RAB19: variants seen among roughly 807,000 people sequenced by gnomAD.
RAB19 encodes the protein RAB19, member RAS oncogene family, also known as ras-related protein Rab-19.
A neutral mutation model predicts 17.3 loss-of-function variants in RAB19; 21 were observed. The observed-to-expected ratio is 1.21, with a 90% CI of 0.86 to 1.74. The LOEUF (loss-of-function observed/expected upper bound fraction) is 1.74. Ranked by LOEUF, RAB19 falls within the 40% of genes most tolerant of loss-of-function variation. The probability of loss-of-function intolerance (pLI) is 0.00; values close to 1 mark genes in which losing one functional copy is unlikely to be tolerated. For missense variants in RAB19, 277 were observed against 286.8 expected (o/e 0.97, Z 0.25); for synonymous variants, 126 against 110.4 (o/e 1.14, Z -0.88).
At chr7:140,424,729 AT>A (rs1563075741) in intron 3 of RAB19, among the ~76,000 whole-genome samples, 1 of 148,422 alleles carries the variant, frequency 6.7e-6, no homozygotes, top group African/African-American at 2.5e-5. Flanking sequence ...TATATCTATA[AT>A]TGTTTCAAAA....
chr7:140,406,446 C>A (rs939855287), intron 1 of RAB19, among the ~76,000 whole-genome samples: 12 of 151,604 alleles, frequency 7.9e-5, no homozygotes, highest in Admixed American at 7.9e-4. Context: ...TCGAGACCAG[C>A]CTGACCAACA....
At chr7:140,417,497 C>G (rs1799481951) in intron 3 of RAB19, among the ~76,000 whole-genome samples, 1 of 152,054 alleles carries the variant, frequency 6.6e-6, no homozygotes, top group African/African-American at 2.4e-5. Flanking sequence ...CACCACATCC[C>G]TTCTTCCACC....
At chr7:140,416,577 G>A (rs769270329) in intron 3 of RAB19, among the ~76,000 whole-genome samples, 1 of 152,028 alleles carries the variant, frequency 6.6e-6, no homozygotes, top group Non-Finnish European at 1.5e-5. Context: ...TTAATGTTCT[G>A]TGTGTCTGTC....
chr7:140,420,210 CAGGAGTTCGAG>C (rs1799532047), intron 3 of RAB19, among the ~76,000 whole-genome samples: 1 of 152,066 alleles, frequency 6.6e-6, no homozygotes, highest in Non-Finnish European at 1.5e-5. Flanking sequence ...CACCTGAGGT[CAGGAGTTCGAG>C]ACCAGCCTGG....
Position 140,411,919 on chromosome 7 carries a change from ACC to A in RAB19, c.249_250del (p.Gln84LysfsTer14). Reference protein sequence around the residue: ...TAGQERFRTITQSYYRSAHAA... With the variant: ...TAGQERFRTIXQSYYRSAHAA... Reference sequence around the variant, plus strand: ...TGGCCAGGAGCGCTTCCGCACCATCACCCAAAGCTACTACCGCAGTGCCCACG... The same window carrying A: ...TGGCCAGGAGCGCTTCCGCACCATCACAAAGCTACTACCGCAGTGCCCACG... On this transcript the variant is annotated frameshift_variant, in exon 3 of 4. Coordinates refer to ENST00000537763, the MANE Select transcript of RAB19 (RefSeq NM_001008749.3). LOFTEE classifies it high-confidence loss of function. The A allele has an allele frequency of 6.2e-7, 1 of 1,614,086 alleles. No individual in the cohort carries two copies.
chr7:140,418,599 T>C (rs796401986), intron 3 of RAB19, among the ~76,000 whole-genome samples: 1 of 146,672 alleles, frequency 6.8e-6, no homozygotes, highest in East Asian at 2.0e-4. Flanking sequence ...AAAAGAAGAA[T>C]ATTGACTGGG....
intron 3 of RAB19, among the ~76,000 whole-genome samples, 158 bp from the exon 4 acceptor site, chr7:140,425,724 C>A (rs201394715): frequency 8.5e-5 from 12 of 140,678 alleles, no homozygotes; most frequent in Admixed American, 2.2e-4. Flanking sequence ...AACTCCATCT[C>A]AAAAAAAAAA....
intron 2 of RAB19, 33 bp downstream of exon 2, chr7:140,407,880 C>T (rs756399449): frequency 0.012 from 7,897 of 638,908 alleles, 124 homozygotes; most frequent in Non-Finnish European, 0.013. Context: ...CTGGTTCCAC[C>T]TTTTTTTTTT....
chr7:140,424,613 CTCTCTCTATATATA>C (rs1437858862), intron 3 of RAB19, among the ~76,000 whole-genome samples: 2 of 79,244 alleles, frequency 2.5e-5, no homozygotes, highest in Non-Finnish European at 5.8e-5. Context: ...CTCTCTCTCT[CTCTCTCTATATATA>C]TATATATATA....
In RAB19 at chr7:140,427,255, A is replaced by G. The variant is rs1799688238; in HGVS notation, c.*1105A>G. On this transcript the variant is annotated 3_prime_UTR_variant, in exon 4 of 4. Coordinates refer to ENST00000537763, the MANE Select transcript of RAB19 (RefSeq NM_001008749.3). ...AACCTCCACCTCCTGGGTTCAAGCA[A>G]TTCTCCTGCCTCAGCCTCCCAAGTA... Among the ~76,000 whole-genome samples the G allele has an allele frequency of 6.7e-6, 1 of 148,514 alleles. No individual in the cohort carries two copies. Among genetic ancestry groups the G allele is most frequent in the Non-Finnish European group, 1.5e-5 (1 of 67,412 alleles).
intron 3 of RAB19, among the ~76,000 whole-genome samples, chr7:140,420,779 C>T (rs1452400625): frequency 1.3e-5 from 2 of 152,118 alleles, no homozygotes. Context: ...AGGCCCCAGC[C>T]CTTTGTCAGT....
intron 3 of RAB19, among the ~76,000 whole-genome samples, chr7:140,414,897 T>C (rs1799427706): frequency 6.6e-6 from 1 of 152,102 alleles, no homozygotes. Flanking sequence ...CTCCTCCTAA[T>C]GTCCCCATGT....
chr7:140,423,841 T>C (rs1210108084), intron 3 of RAB19, among the ~76,000 whole-genome samples: 3 of 152,112 alleles, frequency 2.0e-5, no homozygotes, highest in African/African-American at 7.2e-5. Context: ...ATTCATTTCA[T>C]GACAAGAAAC....
chr7:140,404,546 T>G (rs79672752), intron 1 of RAB19: 6,947 of 152,330 alleles, frequency 0.046, 159 homozygotes, highest in African/African-American at 0.049. Context: ...AGGTATGGGA[T>G]CCTTCTTCAT....
chr7:140,424,821 T>C (rs1299921865), intron 3 of RAB19, among the ~76,000 whole-genome samples: 1 of 151,930 alleles, frequency 6.6e-6, no homozygotes, highest in African/African-American at 2.4e-5. Context: ...GGGACAGGAA[T>C]GAAAACCAGG....
At chr7:140,423,312 C>T (rs550922055) in intron 3 of RAB19, among the ~76,000 whole-genome samples, 44 of 150,986 alleles carry the variant, frequency 2.9e-4, no homozygotes, top group African/African-American at 9.7e-4. Context: ...TGGTGGCATG[C>T]GCCTGGAGTC....
chr7:140,419,170 A>G (rs113605601), intron 3 of RAB19, among the ~76,000 whole-genome samples: 1 of 151,206 alleles, frequency 6.6e-6, no homozygotes, highest in Non-Finnish European at 1.5e-5. Flanking sequence ...CCCAGGTTCA[A>G]GTGATTCTCA....
At chr7:140,415,350 A>T (rs1021154125) in intron 3 of RAB19, among the ~76,000 whole-genome samples, 2 of 152,122 alleles carry the variant, frequency 1.3e-5, no homozygotes, top group Non-Finnish European at 2.9e-5. Context: ...CTGGGATTGC[A>T]GGGAGCCAAC....
At position 140,426,158 on chromosome 7, in the gene RAB19, G is replaced by A; in HGVS notation, c.*8G>A. ...ACCCACTGCACTTGCTAAGATGTTT[G>A]CAAAGCCAGTTGCACCCACCAAAGA... is the stretch of plus-strand genomic sequence containing the variant. On this transcript the variant is annotated 3_prime_UTR_variant, in exon 4 of 4. Coordinates refer to ENST00000537763, the MANE Select transcript of RAB19 (RefSeq NM_001008749.3). 6.2e-7 allele frequency: 1 copy of A among 1,610,278 alleles called. No individual in the cohort carries two copies. Among genetic ancestry groups the A allele is most frequent in the South Asian group, 1.1e-5 (1 of 90,784 alleles).
Sources: gnomAD v4.1 joint callset for allele counts (sites outside exome capture counted in the v4.1 genomes callset) on GRCh38, gnomAD v4.1.1 for gene constraint, MANE v1.5 for transcripts, NCBI Gene and HGNC (gene_info 2026-07-23, HGNC 2026-07-21) for gene names.